HSF2BP: variants seen among roughly 807,000 people sequenced by gnomAD.
HSF2BP encodes heat shock transcription factor 2 binding protein.
A neutral mutation model predicts 35.0 loss-of-function variants in HSF2BP; 35 were observed. The observed-to-expected ratio is 1.00, with a 90% confidence interval of 0.76 to 1.32. The LOEUF is 1.32. Among genes scored for constraint, HSF2BP ranks in the 40% most tolerant of loss-of-function variants. The pLI is 0.00. For missense variants in HSF2BP, 326 were observed against 321.7 expected (o/e 1.01, Z -0.10); for synonymous variants, 114 against 117.4 (o/e 0.97, Z 0.18).
At position 43,644,319 on chromosome 21, in the gene HSF2BP, G is replaced by C. The variant is rs200583466; in HGVS notation, c.261C>G (p.Thr87=). The change falls in exon 4 of 9, where the codon ACC becomes ACG. Residue 87 remains threonine (T), a synonymous_variant. Coordinates refer to ENST00000291560, the MANE Select transcript of HSF2BP (RefSeq NM_007031.2). ...TCTCTCTTATGTTGTCGGCCTGCAC[G>C]GTTTCCAGGCGGGCTTTAAAGTGCT... ...DCEHFKARLE[T]VQADNIREKK... is the part of the protein sequence containing the mutation. The C allele has an allele frequency of 6.2e-7, 1 of 1,613,978 alleles. No individual in the cohort carries two copies. Among genetic ancestry groups the C allele is most frequent in the Non-Finnish European group, 8.5e-7 (1 of 1,179,868 alleles).
Position 43,623,504 on chromosome 21 carries a change from G to A in HSF2BP, c.574+6818C>T, listed in dbSNP as rs188587530. 1.5e-3 allele frequency among the ~76,000 whole-genome samples: 234 copies of A among 152,236 alleles called. 2 individuals carry two copies. The highest frequency in any genetic ancestry group is 5.4e-3 in the African/African-American group (223 of 41,550). The stretch of plus-strand genomic sequence containing the variant: ...AAACTAAAAAATGCAGAAAATTAAT[G>A]AAACCTCGAGAGCCTCAAGGTTATC... On this transcript the variant is annotated intron_variant, in intron 6 of 8. Coordinates refer to ENST00000291560, the MANE Select transcript of HSF2BP (RefSeq NM_007031.2).
At chr21:43,657,896 C>T in intron 2 of HSF2BP, 165 bp downstream of exon 2, 1 of 985,492 alleles carries the variant, frequency 1.0e-6, no homozygotes, top group African/African-American at 1.7e-5. Context: ...CGCCCCAGGT[C>T]TCCACCCCGC....
Position 43,654,457 on chromosome 21 carries a change from C to T in HSF2BP, c.187+2130G>A, listed in dbSNP as rs148520037. 4.5e-3 allele frequency among the ~76,000 whole-genome samples: 681 copies of T among 152,240 alleles called. 8 individuals are homozygous for T. Among genetic ancestry groups the T allele is most frequent in the African/African-American group, 0.015 (643 of 41,532 alleles). Reference sequence around the variant, plus strand: ...AATATTGGTCCCTTTAGACACAGTTCTATTTTGCTTCATTTATGCTTCACC... The same window carrying T: ...AATATTGGTCCCTTTAGACACAGTTTTATTTTGCTTCATTTATGCTTCACC... On this transcript the variant is annotated intron_variant, in intron 3 of 8. Coordinates refer to ENST00000291560, the MANE Select transcript of HSF2BP (RefSeq NM_007031.2).
chr21:43,606,582 C>T (rs1723487837), intron 7 of HSF2BP, among the ~76,000 whole-genome samples: 1 of 152,132 alleles, frequency 6.6e-6, no homozygotes, highest in Non-Finnish European at 1.5e-5. Context: ...GGGTCTGGCC[C>T]AAGGCAGACT....
intron 5 of HSF2BP, among the ~76,000 whole-genome samples, chr21:43,630,697 T>C (rs556363312): frequency 1.4e-4 from 22 of 152,240 alleles, no homozygotes; most frequent in Admixed American, 8.5e-4. Flanking sequence ...CAAATGTACA[T>C]GATGATGAAA....
At chr21:43,605,408 A>C (rs2082121127) in intron 7 of HSF2BP, among the ~76,000 whole-genome samples, 4 of 131,706 alleles carry the variant, frequency 3.0e-5, no homozygotes, top group African/African-American at 8.6e-5. Flanking sequence ...CACATTCCCC[A>C]CACCACACAC....
At chr21:43,600,327 G>A (rs1315992783) in intron 7 of HSF2BP, among the ~76,000 whole-genome samples, 1 of 152,112 alleles carries the variant, frequency 6.6e-6, no homozygotes, top group Non-Finnish European at 1.5e-5. Context: ...AAATAAGCAA[G>A]AAAAAGGAGT....
intron 7 of HSF2BP, among the ~76,000 whole-genome samples, chr21:43,603,888 T>A (rs1365829737): frequency 6.6e-6 from 1 of 152,130 alleles, no homozygotes; most frequent in Non-Finnish European, 1.5e-5. Context: ...TATGAATGTT[T>A]GCCACAAAAG....
At chr21:43,574,812 C>G (rs1190963435) in intron 8 of HSF2BP, among the ~76,000 whole-genome samples, 1 of 151,974 alleles carries the variant, frequency 6.6e-6, no homozygotes, top group Non-Finnish European at 1.5e-5. Flanking sequence ...TCTGAGACGG[C>G]TTCCTCTCGG....
chr21:43,633,904 TA>T (rs1483310023), intron 4 of HSF2BP, among the ~76,000 whole-genome samples: 1 of 152,192 alleles, frequency 6.6e-6, no homozygotes, highest in Admixed American at 6.5e-5. Flanking sequence ...TCAGGATTTG[TA>T]AAAAAACAAG....
At chr21:43,643,741 G>C (rs1015899351) in intron 4 of HSF2BP, among the ~76,000 whole-genome samples, 2 of 152,130 alleles carry the variant, frequency 1.3e-5, no homozygotes, top group African/African-American at 4.8e-5. Flanking sequence ...GGCAGATCAA[G>C]AGGTCTGGAG....
rs529064449 is a variant in HSF2BP at position 43,604,242 on chromosome 21, C to T, written c.692+9588G>A. On this transcript the variant is annotated intron_variant, in intron 7 of 8. Transcript: ENST00000291560. Reference sequence around the variant, plus strand: ...CACAGCACACACCACACACCACTCACCACTCACACACATCACACATACCAC... The same window carrying T: ...CACAGCACACACCACACACCACTCATCACTCACACACATCACACATACCAC... Among the ~76,000 whole-genome samples, 4 of 143,720 alleles carry T rather than the reference C, an allele frequency of 2.8e-5. No individual in the cohort carries two copies. In the East Asian group the frequency reaches 8.1e-4, roughly 29 times the overall value. The allele number at this position is 143,720 out of a possible 152,430, so 94.3% of individuals were successfully genotyped here.
chr21:43,621,456 G>A (rs2082330554), intron 6 of HSF2BP, among the ~76,000 whole-genome samples: 1 of 152,108 alleles, frequency 6.6e-6, no homozygotes, highest in Non-Finnish European at 1.5e-5. Flanking sequence ...GAACCTGGGA[G>A]TGGAAGGCTG....
intron 8 of HSF2BP, among the ~76,000 whole-genome samples, chr21:43,581,535 G>T (rs1012577834): frequency 6.6e-6 from 1 of 152,182 alleles, no homozygotes; most frequent in Non-Finnish European, 1.5e-5. Flanking sequence ...TGCATCTCAG[G>T]TCAGCATTTA....
At chr21:43,596,448 G>A (rs1349062771) in intron 7 of HSF2BP, among the ~76,000 whole-genome samples, 2 of 151,926 alleles carry the variant, frequency 1.3e-5, no homozygotes, top group Admixed American at 1.3e-4. Flanking sequence ...AATAGCTGCA[G>A]CAATGGCAGA....
intron 8 of HSF2BP, among the ~76,000 whole-genome samples, chr21:43,587,894 C>T (rs1462144723): frequency 6.6e-6 from 1 of 152,164 alleles, no homozygotes; most frequent in East Asian, 1.9e-4. Flanking sequence ...AATTTTCACT[C>T]ACCCCCGGAA....
chr21:43,630,950 G>C (rs1212075397), intron 5 of HSF2BP, among the ~76,000 whole-genome samples: 1 of 152,160 alleles, frequency 6.6e-6, no homozygotes, highest in African/African-American at 2.4e-5. Context: ...TGGGGTGCTA[G>C]AGTTCTGAAG....
intron 7 of HSF2BP, among the ~76,000 whole-genome samples, chr21:43,601,953 T>A (rs931768998): frequency 6.6e-6 from 1 of 152,224 alleles, no homozygotes; most frequent in Admixed American, 6.5e-5. Flanking sequence ...AACCCCATCA[T>A]GTCTGAAGAT....
rs754003014 is a variant in HSF2BP at position 43,592,330 on chromosome 21, T to C, written c.693-2A>G. 4 of 1,602,366 alleles carry C rather than the reference T, an allele frequency of 2.5e-6. No individual in the cohort carries two copies. In the South Asian group the frequency reaches 4.4e-5, roughly 18 times the overall value. On this transcript the variant is annotated splice_acceptor_variant, in intron 7 of 8. Coordinates refer to ENST00000291560, the MANE Select transcript of HSF2BP (RefSeq NM_007031.2). LOFTEE classifies it high-confidence loss of function. Reference sequence around the variant, plus strand: ...TTGTATAGGGACATCAGCATTAGCCTGAAATGTAAAAGAAAAAGGTGTTGG... The same window carrying C: ...TTGTATAGGGACATCAGCATTAGCCCGAAATGTAAAAGAAAAAGGTGTTGG...
Sources: gnomAD v4.1 joint callset for allele counts (sites outside exome capture counted in the v4.1 genomes callset) on GRCh38, gnomAD v4.1.1 for gene constraint, MANE v1.5 for transcripts, NCBI Gene and HGNC (gene_info 2026-07-23, HGNC 2026-07-21) for gene names.